Variants in ATP10B observed in about 807,000 individuals in gnomAD.
ATP10B encodes ATPase phospholipid transporting 10B (putative).
A neutral mutation model predicts 141.2 loss-of-function variants in ATP10B; 122 were observed. The observed-to-expected ratio is 0.86, with a 90% CI of 0.75 to 1.00. The LOEUF (loss-of-function observed/expected upper bound fraction) is 1.00. Among genes scored for constraint, ATP10B ranks in the 50% least tolerant of loss-of-function variants. ATP10B has a pLI of 0.00. For synonymous variants in ATP10B, 685 were observed against 692.0 expected (o/e 0.99, Z 0.16); for missense variants, 1,876 against 1,825.3 (o/e 1.03, Z -0.51).
At chr5:160,639,298 T>C (rs899759779) in intron 10 of ATP10B, 3 of 152,226 alleles carry the variant, frequency 2.0e-5, no homozygotes, top group Non-Finnish European at 4.4e-5. Flanking sequence ...ACCCCCTCTC[T>C]CCCCAGGATA....
intron 2 of ATP10B, among the ~76,000 whole-genome samples, chr5:160,784,355 GCAA>G (rs1333626683): frequency 1.2e-4 from 18 of 152,156 alleles, no homozygotes; most frequent in Admixed American, 9.2e-4. Flanking sequence ...TAATTTTCAG[GCAA>G]CAACTCAAAT....
intron 7 of ATP10B, among the ~76,000 whole-genome samples, chr5:160,651,784 T>C (rs987160018): frequency 6.6e-6 from 1 of 152,100 alleles, no homozygotes; most frequent in Non-Finnish European, 1.5e-5. Context: ...AAATTACCCA[T>C]CCAGGAGTTT....
chr5:160,708,219 A>C (rs1211648010), intron 3 of ATP10B, among the ~76,000 whole-genome samples: 1 of 152,174 alleles, frequency 6.6e-6, no homozygotes, highest in Admixed American at 6.5e-5. Context: ...TTTTAAAACA[A>C]AACTAGCATT....
the ATP10B span, among the ~76,000 whole-genome samples, chr5:160,881,222 A>C: frequency 1.3e-5 from 2 of 152,214 alleles, no homozygotes; most frequent in African/African-American, 4.8e-5. Context: ...AGGAAAATGC[A>C]AACTAAAACA....
the ATP10B span, among the ~76,000 whole-genome samples, chr5:160,891,816 C>G: frequency 2.0e-5 from 3 of 152,142 alleles, no homozygotes; most frequent in Admixed American, 6.5e-5. Context: ...TTCCTTGACT[C>G]TATTCATTTA....
intron 2 of ATP10B, among the ~76,000 whole-genome samples, chr5:160,742,600 G>T (rs896203850): frequency 6.6e-6 from 1 of 152,168 alleles, no homozygotes; most frequent in Non-Finnish European, 1.5e-5. Context: ...AAAGAAACAC[G>T]TTCTTTTCTC....
At chr5:160,855,540 G>A (rs1753973621), upstream of ATP10B, among the ~76,000 whole-genome samples, 1 of 151,054 alleles carries the variant, frequency 6.6e-6, no homozygotes, top group African/African-American at 2.4e-5. Context: ...TATGTGGTTG[G>A]GAAATGTTTT....
intron 1 of ATP10B, among the ~76,000 whole-genome samples, chr5:160,827,115 A>C (rs1774668306): frequency 6.6e-6 from 1 of 152,100 alleles, no homozygotes; most frequent in African/African-American, 2.4e-5. Context: ...GAAATCCTTA[A>C]TAAAAACCTG....
chr5:160,745,299 A>G (rs1480584306), intron 2 of ATP10B, among the ~76,000 whole-genome samples: 3 of 152,174 alleles, frequency 2.0e-5, no homozygotes, highest in Non-Finnish European at 4.4e-5. Flanking sequence ...TTTCATATGG[A>G]GTTTTTAAGA....
intron 2 of ATP10B, among the ~76,000 whole-genome samples, chr5:160,775,175 G>GT (rs1770202718): frequency 6.6e-6 from 1 of 152,186 alleles, no homozygotes; most frequent in Admixed American, 6.5e-5. Context: ...CCTGGCCTAC[G>GT]TCTCCCCAGG....
At chr5:160,645,676 C>T (rs1013545087) in intron 8 of ATP10B, among the ~76,000 whole-genome samples, 1 of 152,298 alleles carries the variant, frequency 6.6e-6, no homozygotes, top group East Asian at 1.9e-4. Context: ...GATGCCGTTC[C>T]TTTGAGATTT....
chr5:160,632,138 G>T lies in ATP10B; in HGVS notation c.1611C>A (p.Ser537Arg). The change falls in exon 13 of 26, where the codon AGC (serine) becomes AGA (arginine). Residue 537 changes from serine to arginine, a missense_variant. Physicochemically the swap from Ser to Arg is moderately radical, Grantham distance 110. Transcript: ENST00000327245. ...AAAAGTCAGGACTTACTATGGAGCT[G>T]CTGAAGGCCACAGGAGGCTGTGAGC... ...RESSQPPVAF[S>R]SSIEKDVTPD... 1 of 1,612,426 alleles carries T rather than the reference G, an allele frequency of 6.2e-7. No individual in the cohort carries two copies. The highest frequency in any genetic ancestry group is 8.5e-7 in the Non-Finnish European group (1 of 1,178,604).
chr5:160,895,692 G>C, the ATP10B span, among the ~76,000 whole-genome samples: 1 of 152,184 alleles, frequency 6.6e-6, no homozygotes, highest in Non-Finnish European at 1.5e-5. Context: ...TCTGCACCAA[G>C]TGGACCTAAT....
At chr5:160,648,345 C>T (rs1259941986) in intron 8 of ATP10B, among the ~76,000 whole-genome samples, 1 of 152,130 alleles carries the variant, frequency 6.6e-6, no homozygotes, top group Non-Finnish European at 1.5e-5. Context: ...CTACTTAGCT[C>T]ATCAGCTATT....
Position 160,615,902 on chromosome 5 carries a change from G to C in ATP10B, c.2589C>G (p.Leu863=). The C allele has an allele frequency of 6.2e-7, 1 of 1,613,902 alleles. No homozygotes were observed. Among genetic ancestry groups the C allele is most frequent in the South Asian group, 1.1e-5 (1 of 91,042 alleles). The stretch of plus-strand genomic sequence containing the variant: ...CCATGAGAAGCTCATCTCGGTTGTC[G>C]AGGGATGCCTCAGCCTCACGCCGGA... ...ASFRREAEAS[L]DNRDELLMET... The change falls in exon 17 of 26, where the codon CTC becomes CTG. Residue 863 remains leucine (L), a synonymous_variant. Coordinates refer to ENST00000327245, the MANE Select transcript of ATP10B (RefSeq NM_025153.3).
chr5:160,832,197 G>T (rs1775131723), intron 1 of ATP10B, among the ~76,000 whole-genome samples: 1 of 151,690 alleles, frequency 6.6e-6, no homozygotes, highest in Non-Finnish European at 1.5e-5. Flanking sequence ...CCTTCAAACT[G>T]GCAATTTTAC....
At chr5:160,760,055 G>A (rs555626924) in intron 2 of ATP10B, among the ~76,000 whole-genome samples, 4 of 152,230 alleles carry the variant, frequency 2.6e-5, no homozygotes, top group African/African-American at 9.6e-5. Flanking sequence ...GTGTCTTTAC[G>A]CAATGGAGGA....
intron 2 of ATP10B, among the ~76,000 whole-genome samples, chr5:160,784,513 A>C (rs1387846107): frequency 6.6e-6 from 1 of 152,194 alleles, no homozygotes; most frequent in Non-Finnish European, 1.5e-5. Context: ...TCAAATTAGC[A>C]ATGCATATTT....
chr5:160,666,578 A>C (rs1762330238), intron 7 of ATP10B, among the ~76,000 whole-genome samples: 1 of 152,206 alleles, frequency 6.6e-6, no homozygotes. Flanking sequence ...TTGTCTTCTC[A>C]TATTACTTGG....
Sources: allele counts gnomAD v4.1 joint callset (sites outside exome capture counted in the v4.1 genomes callset), GRCh38; gene constraint gnomAD v4.1.1; transcripts MANE v1.5; gene names NCBI Gene and HGNC (gene_info 2026-07-23, HGNC 2026-07-21).